The following AGO1 variants were observed in gnomAD, a reference collection of about 807,000 sequenced individuals.
The protein encoded by AGO1 is protein argonaute-1.
A neutral mutation model predicts 109.2 loss-of-function variants in AGO1; 11 were observed. The observed-to-expected ratio is 0.10, with a 90% confidence interval of 0.06 to 0.17. The LOEUF (loss-of-function observed/expected upper bound fraction) is 0.17. AGO1 is among the 10% of genes least tolerant of loss of function. AGO1 has a pLI of 1.00. For synonymous variants in AGO1, 422 were observed against 418.6 expected (o/e 1.01, Z -0.10); for missense variants, 574 against 1,140.3 (o/e 0.50, Z 7.15).
chr1:35,906,252 C>G (rs1160380919), intron 11 of AGO1, among the ~76,000 whole-genome samples: 4 of 152,160 alleles, frequency 2.6e-5, no homozygotes, highest in South Asian at 2.1e-4. Context: ...CTTGTGCTCC[C>G]ATCACTGTTG....
chr1:35,913,268 C>T (rs1479476649), intron 12 of AGO1, among the ~76,000 whole-genome samples: 1 of 152,146 alleles, frequency 6.6e-6, no homozygotes, highest in Non-Finnish European at 1.5e-5. Flanking sequence ...ATCCACCCGC[C>T]TCGGCCTCCC....
chr1:35,884,313 G>A (rs1353174683), intron 1 of AGO1, among the ~76,000 whole-genome samples: 1 of 152,138 alleles, frequency 6.6e-6, no homozygotes, highest in African/African-American at 2.4e-5. Flanking sequence ...GATGGGTTCT[G>A]GGGGTGGGTC....
chr1:35,904,077 G>A (rs1267881695), intron 11 of AGO1, among the ~76,000 whole-genome samples: 5 of 148,730 alleles, frequency 3.4e-5, no homozygotes, highest in African/African-American at 1.2e-4. Flanking sequence ...TGTAGTTCTT[G>A]CAAATGGGTT....
intron 11 of AGO1, among the ~76,000 whole-genome samples, chr1:35,904,108 CTT>C (rs1198233881): frequency 0.011 from 1,227 of 110,946 alleles, 13 homozygotes; most frequent in African/African-American, 0.046. Flanking sequence ...TTCCTGAGCT[CTT>C]TTTTTTTTTT....
At position 35,874,951 on chromosome 1, in the gene AGO1, G is replaced by A. The variant is rs746945060; in HGVS notation, c.-201+5048G>A. ...TTCAATTCTGTGAGTGCCAACAGAG[G>A]TAAGGTAGCTATAGAAGAAAAGTTT... On this transcript the variant is annotated intron_variant, in intron 1 of 18. Transcript: ENST00000373206. Among the ~76,000 whole-genome samples the A allele has an allele frequency of 1.2e-3, 177 of 152,236 alleles. 1 individual carries two copies. Among genetic ancestry groups the A allele is most frequent in the Non-Finnish European group, 2.0e-3 (138 of 68,040 alleles).
Position 35,888,503 on chromosome 1 carries a change from A to G in AGO1, c.102A>G (p.Lys34=), listed in dbSNP as rs1179019303. 1 of 1,614,170 alleles carries G rather than the reference A, an allele frequency of 6.2e-7. No homozygotes were observed. The highest frequency in any genetic ancestry group is 2.2e-5 in the East Asian group (1 of 44,876). ...GGCCTGGCATTGGCACTGTGGGGAA[A>G]CCAATCAAGCTCCTGGCCAATTACT... ...PRRPGIGTVG[K]PIKLLANYFE... Residue 34 remains lysine (K), a synonymous_variant, in exon 2 of 19, where the codon AAA becomes AAG. Transcript: ENST00000373204. The surrounding 1 kb of genome is among the most constrained non-coding windows in gnomAD (Gnocchi z 4.1).
chr1:35,882,891 A>T (rs915214706), upstream of AGO1: 81 of 985,394 alleles, frequency 8.2e-5, no homozygotes, highest in Admixed American at 3.7e-4. This position sits in a 1 kb window ranked among gnomAD's most constrained non-coding sequence, Gnocchi z 5.1. Context: ...TGGGGTTCCC[A>T]TAATGTGTGC....
At chr1:35,915,567 A>G (rs368189796) in intron 15 of AGO1, 25 bp downstream of exon 15, 3 of 1,604,850 alleles carry the variant, frequency 1.9e-6, no homozygotes, top group East Asian at 4.5e-5. Flanking sequence ...AGGTGGAGAA[A>G]ACCTTCACAT....
chr1:35,890,555 T>G (rs1645199627), intron 2 of AGO1, among the ~76,000 whole-genome samples: 1 of 152,162 alleles, frequency 6.6e-6, no homozygotes, highest in Non-Finnish European at 1.5e-5. Context: ...ATGTAATAAA[T>G]CTATTGAGGA....
At chr1:35,886,944 G>A (rs951968868) in intron 1 of AGO1, among the ~76,000 whole-genome samples, 2 of 152,164 alleles carry the variant, frequency 1.3e-5, no homozygotes, top group Non-Finnish European at 2.9e-5. Flanking sequence ...AATTGCCAAG[G>A]TCTAAGTGTG....
At chr1:35,900,911 A>T (rs749355687) in intron 8 of AGO1, among the ~76,000 whole-genome samples, 14 of 152,066 alleles carry the variant, frequency 9.2e-5, no homozygotes, top group Non-Finnish European at 1.3e-4. Flanking sequence ...CTATCTCAAA[A>T]AAATAAATAA....
intron 8 of AGO1, among the ~76,000 whole-genome samples, chr1:35,899,412 A>G (rs1414771567): frequency 6.6e-6 from 1 of 152,240 alleles, no homozygotes; most frequent in Non-Finnish European, 1.5e-5. Context: ...ACCCAGAAGC[A>G]GAATTGCTGG....
At chr1:35,872,653 A>G (rs890440070) in intron 1 of AGO1, among the ~76,000 whole-genome samples, 7 of 152,078 alleles carry the variant, frequency 4.6e-5, no homozygotes, top group African/African-American at 1.4e-4. Context: ...GCTCACTGTA[A>G]CCTCAACTCC....
chr1:35,870,999 G>A (rs1425213338), intron 1 of AGO1, among the ~76,000 whole-genome samples: 1 of 152,150 alleles, frequency 6.6e-6, no homozygotes, highest in African/African-American at 2.4e-5. Context: ...ATTTAGTGTA[G>A]TTTTCAATAT....
chr1:35,872,187 CTTT>C (rs541463659), intron 1 of AGO1, among the ~76,000 whole-genome samples: 3 of 133,062 alleles, frequency 2.3e-5, no homozygotes, highest in Non-Finnish European at 1.6e-5. Flanking sequence ...GACTCAATTT[CTTT>C]TTTTTTTTTT....
At chr1:35,879,838 A>G (rs956309876), upstream of AGO1, among the ~76,000 whole-genome samples, 7 of 148,054 alleles carry the variant, frequency 4.7e-5, no homozygotes, top group Admixed American at 2.0e-4. Flanking sequence ...TTATAGGTGC[A>G]CTGTACAGAA....
At position 35,919,420 on chromosome 1, in the gene AGO1, G is replaced by A. The variant is rs537737898; in HGVS notation, c.2466-79G>A. The A allele has an allele frequency of 1.3e-3, 1,880 of 1,480,564 alleles. 3 individuals carry two copies. The highest frequency in any genetic ancestry group is 1.6e-3 in the Non-Finnish European group (1,781 of 1,086,296). 91.7% of individuals were successfully genotyped at this position (1,480,564 alleles called of 1,614,324 possible). ...CTCTCTTAAGTTGGTATGGGAATTG[G>A]CATCCCAGGGCTGGGCGAGGGAATT... On this transcript the variant is annotated intron_variant, in intron 18 of 18. Coordinates refer to ENST00000373204, the MANE Select transcript of AGO1 (RefSeq NM_012199.5). The surrounding 1 kb of genome is among the most constrained non-coding windows in gnomAD (Gnocchi z 6.6).
intron 2 of AGO1, among the ~76,000 whole-genome samples, chr1:35,889,469 C>T (rs770229267): frequency 2.6e-5 from 4 of 151,840 alleles, no homozygotes; most frequent in South Asian, 2.1e-4. Context: ...ACTTTGGCCT[C>T]GCAAAGTGCT....
At chr1:35,894,563 A>G (rs1390578150) in intron 7 of AGO1, among the ~76,000 whole-genome samples, 161 bp downstream of exon 7, 3 of 151,608 alleles carry the variant, frequency 2.0e-5, no homozygotes, top group African/African-American at 7.3e-5. Flanking sequence ...TCCTTTCTCA[A>G]CCTTCTCTGA....
Sources: gnomAD v4.1 joint callset for allele counts (sites outside exome capture counted in the v4.1 genomes callset) on GRCh38, gnomAD v4.1.1 for gene constraint, Gnocchi (gnomAD v3.1) non-coding constraint, MANE v1.5 for transcripts, NCBI Gene and HGNC (gene_info 2026-07-23, HGNC 2026-07-21) for gene names.